The following SDCCAG8 variants were observed in gnomAD, a reference collection of about 807,000 sequenced individuals.
The protein encoded by SDCCAG8 is SHH signaling and ciliogenesis regulator SDCCAG8.
SDCCAG8 carries 74 observed loss-of-function variants against 101.8 expected under a neutral mutation model. The observed-to-expected ratio is 0.73, with a 90% CI of 0.60 to 0.88. SDCCAG8 has a LOEUF of 0.88. Ranked by LOEUF, SDCCAG8 falls within the 40% of genes least tolerant of loss-of-function variation. The pLI, the probability that SDCCAG8 is intolerant of heterozygous loss-of-function variation, is 0.00. For missense variants in SDCCAG8, 787 were observed against 822.6 expected (o/e 0.96, Z 0.53); for synonymous variants, 281 against 292.9 (o/e 0.96, Z 0.41).
intron 12 of SDCCAG8, among the ~76,000 whole-genome samples, chr1:243,371,657 A>T (rs2077296671): frequency 6.6e-6 from 1 of 152,106 alleles, no homozygotes; most frequent in African/African-American, 2.4e-5. Context: ...AGTGAAGAGG[A>T]TAATCATTTT....
chr1:243,259,059 G>T (rs535224060), intron 1 of SDCCAG8, among the ~76,000 whole-genome samples: 5 of 152,276 alleles, frequency 3.3e-5, no homozygotes, highest in South Asian at 2.1e-4. Context: ...GCATAAAAAT[G>T]CAAAATGCTT....
intron 17 of SDCCAG8, among the ~76,000 whole-genome samples, chr1:243,493,138 C>G (rs1666975821): frequency 6.8e-6 from 1 of 147,830 alleles, no homozygotes; most frequent in Non-Finnish European, 1.5e-5. Context: ...CCTGGCCTGT[C>G]TTTTGTTTGA....
intron 6 of SDCCAG8, among the ~76,000 whole-genome samples, chr1:243,303,196 A>G (rs1023506085): frequency 1.3e-5 from 2 of 152,234 alleles, no homozygotes; most frequent in South Asian, 2.1e-4. Flanking sequence ...AAGAAGACAT[A>G]GAAGAATCAG....
chr1:243,326,141 A>G (rs2074133944), intron 9 of SDCCAG8, among the ~76,000 whole-genome samples: 1 of 152,190 alleles, frequency 6.6e-6, no homozygotes, highest in Non-Finnish European at 1.5e-5. Flanking sequence ...TTTACTCATA[A>G]CAACTTGAAC....
At chr1:243,397,578 T>G (rs532656833) in intron 13 of SDCCAG8, among the ~76,000 whole-genome samples, 1 of 149,588 alleles carries the variant, frequency 6.7e-6, no homozygotes, top group South Asian at 2.1e-4. Context: ...CTGTAATATC[T>G]AAGAAATTTG....
In SDCCAG8 at chr1:243,296,667, C is replaced by T. The variant is rs982810374; in HGVS notation, c.675+3448C>T. Among the ~76,000 whole-genome samples, 19 of 151,056 alleles carry T rather than the reference C, an allele frequency of 1.3e-4. 1 individual carries two copies. In the South Asian group the frequency reaches 4.0e-3, roughly 31 times the overall value. ...ACGCCATTCTCCTGCCTCAGCCTCCCGAGTAGCTGGGACTACAGGCGCCCG... is the reference window on the plus strand; with the variant it reads ...ACGCCATTCTCCTGCCTCAGCCTCCTGAGTAGCTGGGACTACAGGCGCCCG... On this transcript the variant is annotated intron_variant, in intron 6 of 17. Coordinates refer to ENST00000366541, the MANE Select transcript of SDCCAG8 (RefSeq NM_006642.5).
chr1:243,374,759 A>G (rs141485430), intron 12 of SDCCAG8, among the ~76,000 whole-genome samples: 1 of 152,254 alleles, frequency 6.6e-6, no homozygotes, highest in East Asian at 1.9e-4. Context: ...CAGAAAACAG[A>G]GAACCCTAAA....
intron 13 of SDCCAG8, among the ~76,000 whole-genome samples, chr1:243,410,121 A>G (rs2080068808): frequency 6.6e-6 from 1 of 152,200 alleles, no homozygotes; most frequent in Non-Finnish European, 1.5e-5. Context: ...GTACCAGCCC[A>G]TGAGAGCCAA....
intron 10 of SDCCAG8, among the ~76,000 whole-genome samples, chr1:243,339,529 A>G (rs1558318944): frequency 6.6e-6 from 1 of 152,214 alleles, no homozygotes; most frequent in Non-Finnish European, 1.5e-5. Context: ...TGTTATTAGT[A>G]AAGCTAATTG....
chr1:243,477,144 A>G (rs1002587593), intron 16 of SDCCAG8, among the ~76,000 whole-genome samples: 1 of 152,208 alleles, frequency 6.6e-6, no homozygotes, highest in African/African-American at 2.4e-5. Context: ...GCAACTTTTT[A>G]TAAGTTTGAC....
chr1:243,280,255 A>G (rs965659494), intron 4 of SDCCAG8, among the ~76,000 whole-genome samples: 18 of 152,174 alleles, frequency 1.2e-4, no homozygotes, highest in African/African-American at 4.1e-4. Flanking sequence ...TTTAATGTTC[A>G]TGGGATCAGT....
chr1:243,384,814 C>G (rs913155433), intron 13 of SDCCAG8, among the ~76,000 whole-genome samples: 25 of 152,130 alleles, frequency 1.6e-4, no homozygotes, highest in Admixed American at 6.5e-5. Flanking sequence ...AAACAAGTGC[C>G]TCGTAAGCAT....
intron 12 of SDCCAG8, among the ~76,000 whole-genome samples, chr1:243,350,139 G>T (rs1252211082): frequency 3.9e-5 from 6 of 152,096 alleles, no homozygotes; most frequent in African/African-American, 1.4e-4. Context: ...TGGAAGAAGT[G>T]CATCTATATT....
chr1:243,303,556 T>C (rs1175435408), intron 6 of SDCCAG8, among the ~76,000 whole-genome samples: 1 of 152,118 alleles, frequency 6.6e-6, no homozygotes, highest in Non-Finnish European at 1.5e-5. Context: ...GATGGTAGGG[T>C]GAAGGCCTTT....
At chr1:243,466,023 C>T (rs1299411644) in intron 16 of SDCCAG8, among the ~76,000 whole-genome samples, 1 of 152,170 alleles carries the variant, frequency 6.6e-6, no homozygotes, top group Non-Finnish European at 1.5e-5. Flanking sequence ...ATTTCATTAC[C>T]TATTCAATTC....
At chr1:243,495,123 A>G (rs1164064728) in intron 17 of SDCCAG8, among the ~76,000 whole-genome samples, 1 of 152,248 alleles carries the variant, frequency 6.6e-6, no homozygotes, top group African/African-American at 2.4e-5. Context: ...TGACAAACTC[A>G]GACCCCACGG....
At position 243,375,187 on chromosome 1, in the gene SDCCAG8, G is replaced by A. The variant is rs7521193; in HGVS notation, c.1474-3534G>A. On this transcript the variant is annotated intron_variant, in intron 12 of 17. Coordinates refer to ENST00000366541, the MANE Select transcript of SDCCAG8 (RefSeq NM_006642.5). ...TGTCACCCTTCTTCACGTAAGAAAG[G>A]TCTAATATTGAAAACTTAAGAAATA... Among the ~76,000 whole-genome samples the A allele has an allele frequency of 9.4e-3, 1,434 of 152,124 alleles. 27 individuals are homozygous for A. Among genetic ancestry groups the A allele is most frequent in the African/African-American group, 0.032 (1,334 of 41,504 alleles).
chr1:243,497,576 T>A (rs911811602), intron 17 of SDCCAG8, among the ~76,000 whole-genome samples: 1 of 150,158 alleles, frequency 6.7e-6, no homozygotes, highest in Non-Finnish European at 1.5e-5. Context: ...ACAGCTCCGA[T>A]AGTGATAAAT....
At position 243,308,448 on chromosome 1, in the gene SDCCAG8, T is replaced by C. The variant is rs1573164289; in HGVS notation, c.929+271T>C. ...TTCAGTCCATCTTCAAGTGAGAGAA[T>C]TGAACTAGACAGTTCTTTACGATTC... On this transcript the variant is annotated intron_variant, in intron 8 of 17. Coordinates refer to ENST00000366541, the MANE Select transcript of SDCCAG8 (RefSeq NM_006642.5). Among the ~76,000 whole-genome samples the C allele has an allele frequency of 2.6e-5, 4 of 152,376 alleles. No homozygotes were observed. The East Asian group carries it at 7.7e-4, about 29-fold the overall frequency.
Sources: allele counts gnomAD v4.1 joint callset (sites outside exome capture counted in the v4.1 genomes callset), GRCh38; gene constraint gnomAD v4.1.1; transcripts MANE v1.5; gene names NCBI Gene and HGNC (gene_info 2026-07-23, HGNC 2026-07-21).